Variants in AFG2A observed in about 807,000 individuals in gnomAD.
AFG2A encodes the protein AAA ATPase AFG2A, also known as ATPase family gene 2 protein homolog A.
At chr4:122,927,686 C>G in the AFG2A span, 1 of 1,612,908 alleles carries the variant, frequency 6.2e-7, no homozygotes, top group Non-Finnish European at 8.5e-7. Flanking sequence ...ATCTTGGACT[C>G]AACACTATGA....
chr4:122,967,987 ATTAAT>A, the AFG2A span, among the ~76,000 whole-genome samples: 2 of 152,090 alleles, frequency 1.3e-5, no homozygotes, highest in Non-Finnish European at 2.9e-5. Context: ...ATTTTTTTAA[ATTAAT>A]AGACTTTTTT....
chr4:122,947,512 G>A, the AFG2A span: 2 of 1,553,328 alleles, frequency 1.3e-6, no homozygotes, highest in Non-Finnish European at 1.7e-6. Flanking sequence ...GCTATGGTGA[G>A]TCTCTATTGA....
chr4:123,042,989 G>C, the AFG2A span, among the ~76,000 whole-genome samples: 2 of 152,036 alleles, frequency 1.3e-5, no homozygotes, highest in Non-Finnish European at 2.9e-5. Flanking sequence ...TCATTTCTTT[G>C]TATAGATCTA....
chr4:122,956,577 G>GC, the AFG2A span, among the ~76,000 whole-genome samples: 1 of 152,096 alleles, frequency 6.6e-6, no homozygotes, highest in South Asian at 2.1e-4. Context: ...GTGTTGAACT[G>GC]ATCTATTTTC....
the AFG2A span, among the ~76,000 whole-genome samples, chr4:123,088,512 A>T: frequency 0.72 from 109,157 of 152,064 alleles, 39,850 homozygotes; most frequent in East Asian, 0.97. Context: ...ATTATGGAGA[A>T]TCTTTTGAAG....
the AFG2A span, among the ~76,000 whole-genome samples, chr4:123,189,761 G>A: frequency 7.5e-6 from 1 of 134,174 alleles, no homozygotes; most frequent in Non-Finnish European, 1.6e-5. Flanking sequence ...AATTGTACTA[G>A]TTTAGTCTGA....
the AFG2A span, among the ~76,000 whole-genome samples, chr4:123,212,535 AT>A: frequency 6.6e-6 from 1 of 152,148 alleles, no homozygotes; most frequent in East Asian, 1.9e-4. Context: ...TAACTAGGGA[AT>A]GTTGGCTTCC....
chr4:123,118,456 T>G, the AFG2A span, among the ~76,000 whole-genome samples: 1 of 150,512 alleles, frequency 6.6e-6, no homozygotes. Context: ...TTAGCTCTGT[T>G]TCTTGCAGAT....
chr4:123,158,573 T>G, the AFG2A span, among the ~76,000 whole-genome samples: 4 of 152,290 alleles, frequency 2.6e-5, no homozygotes, highest in South Asian at 8.3e-4. Flanking sequence ...TGGTAATATC[T>G]ATTATGTAGG....
chr4:123,198,339 ATG>A, the AFG2A span, among the ~76,000 whole-genome samples: 1 of 151,738 alleles, frequency 6.6e-6, no homozygotes, highest in South Asian at 2.1e-4. Context: ...TCCCTACATC[ATG>A]TGTGTAGCTT....
the AFG2A span, among the ~76,000 whole-genome samples, chr4:123,213,811 C>T: frequency 2.0e-5 from 3 of 152,256 alleles, no homozygotes; most frequent in South Asian, 2.1e-4. Context: ...GGAAATGAGA[C>T]TTCCTTGCCA....
the AFG2A span, among the ~76,000 whole-genome samples, chr4:123,212,246 G>A: frequency 6.6e-6 from 1 of 151,840 alleles, no homozygotes; most frequent in Non-Finnish European, 1.5e-5. Context: ...TTCTTGTCCT[G>A]ATTAATAGCC....
the AFG2A span, among the ~76,000 whole-genome samples, chr4:123,301,481 T>C: frequency 6.6e-6 from 1 of 152,218 alleles, no homozygotes; most frequent in Admixed American, 6.5e-5. Flanking sequence ...GAATATCTTA[T>C]GTAATTGGGA....
the AFG2A span, among the ~76,000 whole-genome samples, chr4:123,212,712 A>T: frequency 6.6e-6 from 1 of 152,102 alleles, no homozygotes; most frequent in Non-Finnish European, 1.5e-5. Context: ...ATCAGGCAAA[A>T]TTGCTTTCAC....
chr4:123,046,411 A>G, the AFG2A span, among the ~76,000 whole-genome samples: 2 of 152,224 alleles, frequency 1.3e-5, no homozygotes, highest in African/African-American at 2.4e-5. Flanking sequence ...TCAAGGTTCA[A>G]TATATGTTAG....
the AFG2A span, among the ~76,000 whole-genome samples, chr4:122,998,682 G>A: frequency 6.6e-6 from 1 of 152,150 alleles, no homozygotes; most frequent in African/African-American, 2.4e-5. Context: ...TGGTGTATAT[G>A]TGCCATATTT....
chr4:123,148,757 C>A, the AFG2A span, among the ~76,000 whole-genome samples: 1 of 150,912 alleles, frequency 6.6e-6, no homozygotes, highest in African/African-American at 2.4e-5. Context: ...GTACAGAACA[C>A]ACACACACTC....
chr4:123,298,112 T>C, the AFG2A span, among the ~76,000 whole-genome samples: 2,978 of 150,208 alleles, frequency 0.02, 54 homozygotes, highest in Middle Eastern at 0.055. Flanking sequence ...TGCATACACA[T>C]ACACACACAC....
chr4:123,155,714 TAATC>T, the AFG2A span, among the ~76,000 whole-genome samples: 1 of 152,242 alleles, frequency 6.6e-6, no homozygotes. Flanking sequence ...GCGTAGGTCA[TAATC>T]AAGTAGATAC....
Sources: gnomAD v4.1 joint callset for allele counts (sites outside exome capture counted in the v4.1 genomes callset) on GRCh38, gnomAD v4.1.1 for gene constraint, MANE v1.5 for transcripts, NCBI Gene and HGNC (gene_info 2026-07-23, HGNC 2026-07-21) for gene names.